GRM3: variants seen among roughly 807,000 people sequenced by gnomAD.
The protein encoded by GRM3 is metabotropic glutamate receptor 3.
GRM3 carries 26 observed loss-of-function variants against 70.5 expected under a neutral mutation model. The observed-to-expected ratio is 0.37, with a 90% confidence interval of 0.27 to 0.51. The LOEUF (loss-of-function observed/expected upper bound fraction) is 0.51. Ranked by LOEUF, GRM3 falls within the 20% of genes least tolerant of loss-of-function variation. The probability of loss-of-function intolerance (pLI) is 0.93; values close to 1 mark genes in which losing one functional copy is unlikely to be tolerated. For synonymous variants in GRM3, 443 were observed against 434.9 expected (o/e 1.02, Z -0.23); for missense variants, 859 against 1,123.8 (o/e 0.76, Z 3.37).
intron 1 of GRM3, among the ~76,000 whole-genome samples, chr7:86,661,364 A>G (rs1793889653): frequency 6.6e-6 from 1 of 151,988 alleles, no homozygotes; most frequent in Non-Finnish European, 1.5e-5. Flanking sequence ...TGGTACATCC[A>G]TCGATCCTTC....
chr7:86,856,317 GC>G (rs2115591221), intron 5 of GRM3, among the ~76,000 whole-genome samples: 1 of 152,098 alleles, frequency 6.6e-6, no homozygotes, highest in Admixed American at 6.6e-5. Flanking sequence ...ATGGTGGTGT[GC>G]AGCTGTAATC....
At chr7:86,856,512 A>G (rs1798850414) in intron 5 of GRM3, among the ~76,000 whole-genome samples, 1 of 151,594 alleles carries the variant, frequency 6.6e-6, no homozygotes, top group South Asian at 2.1e-4. Context: ...GGCTTATTTC[A>G]TCACTTGAAA....
rs182947217 is a variant in GRM3, at chr7:86,755,041, T to C, written c.-140-9965T>C. Among the ~76,000 whole-genome samples, 474 of 152,238 alleles carry C rather than the reference T, an allele frequency of 3.1e-3. 4 individuals are homozygous for C. Among genetic ancestry groups the C allele is most frequent in the African/African-American group, 0.011 (438 of 41,556 alleles). ...ATCATCCTGCTTGGCAATGATTTGG[T>C]GACAGGCTCATTCCTTAACCAACTG... On this transcript the variant is annotated intron_variant, in intron 1 of 5. Coordinates refer to ENST00000361669, the MANE Select transcript of GRM3 (RefSeq NM_000840.3).
At chr7:86,764,345 T>A (rs1796550206) in intron 1 of GRM3, among the ~76,000 whole-genome samples, 1 of 152,114 alleles carries the variant, frequency 6.6e-6, no homozygotes, top group Non-Finnish European at 1.5e-5. Flanking sequence ...AGATTTCAAT[T>A]AAGGTCAAGT....
chr7:86,855,030 C>G (rs1395381534), intron 5 of GRM3, among the ~76,000 whole-genome samples: 1 of 152,190 alleles, frequency 6.6e-6, no homozygotes, highest in East Asian at 1.9e-4. Flanking sequence ...GGCAGTATAA[C>G]TCACAGACCT....
chr7:86,663,684 A>T (rs1793954650), intron 1 of GRM3, among the ~76,000 whole-genome samples: 1 of 151,974 alleles, frequency 6.6e-6, no homozygotes, highest in Non-Finnish European at 1.5e-5. Flanking sequence ...CTTTAGATAC[A>T]TCGTTAAGAA....
At chr7:86,737,600 T>C (rs756734123) in intron 1 of GRM3, among the ~76,000 whole-genome samples, 6 of 152,234 alleles carry the variant, frequency 3.9e-5, no homozygotes, top group African/African-American at 1.4e-4. Flanking sequence ...ATTAAATACC[T>C]ATTTTCTCAA....
At chr7:86,797,558 A>G (rs984251655) in intron 3 of GRM3, among the ~76,000 whole-genome samples, 2 of 152,200 alleles carry the variant, frequency 1.3e-5, no homozygotes, top group East Asian at 3.8e-4. Context: ...ACTCACAAAG[A>G]TATGTATTGG....
intron 4 of GRM3, among the ~76,000 whole-genome samples, chr7:86,844,200 A>G (rs1166586507): frequency 6.6e-6 from 1 of 152,208 alleles, no homozygotes; most frequent in Non-Finnish European, 1.5e-5. Flanking sequence ...TCAAAAATAT[A>G]TATCTCAAAT....
chr7:86,715,222 C>G lies in GRM3; in HGVS notation c.-140-49784C>G, dbSNP rs530092280. On this transcript the variant is annotated intron_variant, in intron 1 of 5. Transcript: ENST00000361669. The stretch of plus-strand genomic sequence containing the variant: ...TGCAAAATGACTGTTGTTAAAATCT[C>G]AAACACCAATTACCATTTCCTGGTT... 2.0e-5 allele frequency among the ~76,000 whole-genome samples: 3 copies of G among 152,076 alleles called. No individual in the cohort carries two copies. In the South Asian group the frequency reaches 6.2e-4, roughly 32 times the overall value.
At chr7:86,654,513 T>C (rs1428072473) in intron 1 of GRM3, among the ~76,000 whole-genome samples, 1 of 152,210 alleles carries the variant, frequency 6.6e-6, no homozygotes, top group Non-Finnish European at 1.5e-5. Flanking sequence ...AGTCTCTACG[T>C]ATCTAAAGCC....
intron 1 of GRM3, among the ~76,000 whole-genome samples, chr7:86,659,150 T>G (rs1236238637): frequency 6.6e-6 from 1 of 152,202 alleles, no homozygotes; most frequent in Non-Finnish European, 1.5e-5. Context: ...GAATCCCATT[T>G]GTTAATACTA....
chr7:86,725,966 C>A (rs1291846331), intron 1 of GRM3, among the ~76,000 whole-genome samples: 1 of 152,140 alleles, frequency 6.6e-6, no homozygotes, highest in African/African-American at 2.4e-5. Context: ...GGCCTAATTA[C>A]CTCCCAAAGG....
chr7:86,686,646 A>G (rs1794575488), intron 1 of GRM3, among the ~76,000 whole-genome samples: 1 of 152,198 alleles, frequency 6.6e-6, no homozygotes, highest in South Asian at 2.1e-4. Flanking sequence ...CTAAAAGATC[A>G]AGATAAAGCA....
chr7:86,669,835 A>G (rs1794127075), intron 1 of GRM3, among the ~76,000 whole-genome samples: 1 of 152,116 alleles, frequency 6.6e-6, no homozygotes, highest in Non-Finnish European at 1.5e-5. Context: ...TAGTCTCTCA[A>G]TGAAGTATCT....
At chr7:86,714,825 G>T (rs1220914429) in intron 1 of GRM3, among the ~76,000 whole-genome samples, 1 of 151,884 alleles carries the variant, frequency 6.6e-6, no homozygotes, top group Non-Finnish European at 1.5e-5. Context: ...GCCAGGCAAG[G>T]GTTATGATAA....
At chr7:86,758,035 A>G (rs993703474) in intron 1 of GRM3, among the ~76,000 whole-genome samples, 1 of 152,084 alleles carries the variant, frequency 6.6e-6, no homozygotes, top group Non-Finnish European at 1.5e-5. Flanking sequence ...CTAATTCTGT[A>G]TTTATTACTG....
intron 4 of GRM3, among the ~76,000 whole-genome samples, chr7:86,842,787 AAC>A (rs1233242670): frequency 1.3e-5 from 2 of 152,208 alleles, no homozygotes; most frequent in East Asian, 3.8e-4. Flanking sequence ...AAGAATTATA[AAC>A]ACAGAATAGT....
chr7:86,830,840 A>AT (rs1370283475), intron 3 of GRM3, among the ~76,000 whole-genome samples: 1 of 152,218 alleles, frequency 6.6e-6, no homozygotes, highest in East Asian at 1.9e-4. Context: ...AAATAAGGTC[A>AT]TTAGGGTGGG....
Sources: gnomAD v4.1 joint callset for allele counts (sites outside exome capture counted in the v4.1 genomes callset) on GRCh38, gnomAD v4.1.1 for gene constraint, MANE v1.5 for transcripts, NCBI Gene and HGNC (gene_info 2026-07-23, HGNC 2026-07-21) for gene names.